Variants in SPOCK1 observed in about 807,000 individuals in gnomAD.
SPOCK1 encodes testican-1.
SPOCK1 carries 23 observed loss-of-function variants against 55.3 expected under a neutral mutation model. That is an observed-to-expected ratio of 0.42 (90% CI 0.30 to 0.59). The LOEUF (loss-of-function observed/expected upper bound fraction) is 0.59. SPOCK1 is among the 20% of genes least tolerant of loss of function. The probability of loss-of-function intolerance (pLI) is 0.22; values close to 1 mark genes in which losing one functional copy is unlikely to be tolerated. For synonymous variants in SPOCK1, 226 were observed against 221.0 expected (o/e 1.02, Z -0.20); for missense variants, 499 against 552.5 (o/e 0.90, Z 0.97).
chr5:137,345,734 T>C (rs1033711075), intron 2 of SPOCK1, among the ~76,000 whole-genome samples: 3 of 152,190 alleles, frequency 2.0e-5, no homozygotes, highest in Non-Finnish European at 4.4e-5. Context: ...AAACTGCAGG[T>C]TGAGTATTTT....
rs185056228 is a variant in SPOCK1, at chr5:137,270,786, T to C, written c.187-3731A>G. 1.1e-3 allele frequency among the ~76,000 whole-genome samples: 172 copies of C among 152,272 alleles called. 4 individuals carry two copies. The Middle Eastern group carries it at 0.014, about 12-fold the overall frequency. On this transcript the variant is annotated intron_variant, in intron 2 of 10. Coordinates refer to ENST00000394945, the MANE Select transcript of SPOCK1 (RefSeq NM_004598.4). ...GGGAGGCTGAGGTGGGTGGATCACCTGACGTCAGGAGTTTGTGACCAGCCT... is the reference window on the plus strand; with the variant it reads ...GGGAGGCTGAGGTGGGTGGATCACCCGACGTCAGGAGTTTGTGACCAGCCT...
At chr5:137,455,615 G>A (rs1252673495) in intron 2 of SPOCK1, among the ~76,000 whole-genome samples, 1 of 152,170 alleles carries the variant, frequency 6.6e-6, no homozygotes, top group Non-Finnish European at 1.5e-5. Flanking sequence ...GTGGTCTATA[G>A]TAACAGGTTG....
Position 137,104,838 on chromosome 5 carries a change from T to C in SPOCK1, c.474+7597A>G, listed in dbSNP as rs183013631. On this transcript the variant is annotated intron_variant, in intron 5 of 10. Coordinates refer to ENST00000394945, the MANE Select transcript of SPOCK1 (RefSeq NM_004598.4). ...TAATTATTTCATTACAACAAAATAA[T>C]TATACAACATTGTGTATTATTATGT... 9.7e-4 allele frequency among the ~76,000 whole-genome samples: 147 copies of C among 152,260 alleles called. 1 individual carries two copies. Among genetic ancestry groups the C allele is most frequent in the African/African-American group, 3.3e-3 (139 of 41,528 alleles).
intron 3 of SPOCK1, among the ~76,000 whole-genome samples, chr5:137,238,562 T>C (rs1756227134): frequency 6.6e-6 from 1 of 152,118 alleles, no homozygotes; most frequent in Non-Finnish European, 1.5e-5. Flanking sequence ...CATGACCAAA[T>C]AGAGTTTACA....
At chr5:137,056,596 A>ATT (rs34976496) in intron 6 of SPOCK1, among the ~76,000 whole-genome samples, 11 of 147,348 alleles carry the variant, frequency 7.5e-5, no homozygotes, top group African/African-American at 1.0e-4. Flanking sequence ...AAGGACTTTT[A>ATT]TTTTTTTTTT....
intron 9 of SPOCK1, among the ~76,000 whole-genome samples, chr5:136,983,496 C>CAGTAGATAGAAAAGA (rs1282718480): frequency 1.5e-4 from 23 of 151,912 alleles, no homozygotes; most frequent in African/African-American, 5.3e-4. Flanking sequence ...TTTCAAAGAA[C>CAGTAGATAGAAAAGA]AGTAGATAGA....
rs114768860 is a variant in SPOCK1 at position 137,468,544 on chromosome 5, C to T, written c.186+29829G>A. ...TTAACCTGGGCTAATATACTTATGA[C>T]AAATGGCCAACATTGTAATCCTATT... On this transcript the variant is annotated intron_variant, in intron 2 of 10. Coordinates refer to ENST00000394945, the MANE Select transcript of SPOCK1 (RefSeq NM_004598.4). Among the ~76,000 whole-genome samples, 1,098 of 152,302 alleles carry T rather than the reference C, an allele frequency of 7.2e-3. 10 individuals carry two copies. The highest frequency in any genetic ancestry group is 0.025 in the African/African-American group (1,040 of 41,572).
At chr5:137,041,084 A>G (rs555061609) in intron 6 of SPOCK1, among the ~76,000 whole-genome samples, 1 of 152,338 alleles carries the variant, frequency 6.6e-6, no homozygotes, top group African/African-American at 2.4e-5. Context: ...GAAGTCTCAT[A>G]TTACTAGATT....
chr5:137,292,954 CTTGT>C (rs2127131876), intron 2 of SPOCK1, among the ~76,000 whole-genome samples: 1 of 152,240 alleles, frequency 6.6e-6, no homozygotes, highest in African/African-American at 2.4e-5. Context: ...TCATTTTAAT[CTTGT>C]TTATCTTCTT....
intron 6 of SPOCK1, among the ~76,000 whole-genome samples, chr5:137,023,155 G>A (rs1293296090): frequency 6.6e-6 from 1 of 152,058 alleles, no homozygotes; most frequent in Admixed American, 6.6e-5. Context: ...CTTAAGAATG[G>A]GACTAAGAAT....
At chr5:137,178,190 A>C (rs1382663012) in intron 3 of SPOCK1, among the ~76,000 whole-genome samples, 3 of 152,136 alleles carry the variant, frequency 2.0e-5, no homozygotes, top group Non-Finnish European at 4.4e-5. Flanking sequence ...TGGCCAATAC[A>C]TTTGTTTGGT....
At chr5:137,302,579 AAAATAAATAAAT>A (rs56375242) in intron 2 of SPOCK1, among the ~76,000 whole-genome samples, 7,171 of 141,162 alleles carry the variant, frequency 0.051, 284 homozygotes, top group East Asian at 0.12. Flanking sequence ...TCCATCTCAA[AAAATAAATAAAT>A]AAATAAATAA....
chr5:137,192,379 C>A (rs903079048), intron 3 of SPOCK1, among the ~76,000 whole-genome samples: 1 of 152,114 alleles, frequency 6.6e-6, no homozygotes, highest in African/African-American at 2.4e-5. Flanking sequence ...TACCCAGCTC[C>A]CAAGACCTGA....
At chr5:136,999,115 G>A (rs1463054017) in intron 6 of SPOCK1, among the ~76,000 whole-genome samples, 2 of 152,194 alleles carry the variant, frequency 1.3e-5, no homozygotes, top group Admixed American at 6.5e-5. Flanking sequence ...TGCAGACAGT[G>A]TTCAAACATA....
chr5:137,010,129 C>T (rs1751323840), intron 6 of SPOCK1, among the ~76,000 whole-genome samples: 1 of 152,144 alleles, frequency 6.6e-6, no homozygotes, highest in African/African-American at 2.4e-5. Context: ...AACCTGCTGT[C>T]TCTTTTGGAC....
intron 3 of SPOCK1, among the ~76,000 whole-genome samples, chr5:137,262,799 G>C (rs1385076662): frequency 6.6e-6 from 1 of 152,154 alleles, no homozygotes; most frequent in Non-Finnish European, 1.5e-5. Flanking sequence ...AGGAACAAAA[G>C]GAGAAGGGAA....
chr5:137,172,026 G>GT (rs1754763784), intron 3 of SPOCK1, among the ~76,000 whole-genome samples: 1 of 152,146 alleles, frequency 6.6e-6, no homozygotes, highest in Non-Finnish European at 1.5e-5. Context: ...TTGAATGCAG[G>GT]TTGTCATACT....
intron 2 of SPOCK1, among the ~76,000 whole-genome samples, chr5:137,313,923 G>A (rs1036427919): frequency 1.3e-5 from 2 of 148,678 alleles, no homozygotes; most frequent in South Asian, 4.7e-4. Flanking sequence ...CTCACAACAG[G>A]GAGATAAGGA....
intron 2 of SPOCK1, among the ~76,000 whole-genome samples, chr5:137,300,641 CCCATT>C (rs1757571579): frequency 6.6e-6 from 1 of 152,168 alleles, no homozygotes; most frequent in African/African-American, 2.4e-5. Flanking sequence ...TGGAGTCTCA[CCCATT>C]CATGTGAGTT....
Sources: allele counts gnomAD v4.1 joint callset (sites outside exome capture counted in the v4.1 genomes callset), GRCh38; gene constraint gnomAD v4.1.1; transcripts MANE v1.5; gene names NCBI Gene and HGNC (gene_info 2026-07-23, HGNC 2026-07-21).